SLC30A8: variants seen among roughly 807,000 people sequenced by gnomAD.
SLC30A8 encodes the protein solute carrier family 30 member 8, also known as proton-coupled zinc antiporter SLC30A8.
In SLC30A8, 27 loss-of-function variants were observed where a neutral mutation model predicts 36.9. The observed-to-expected ratio is 0.73, with a 90% CI of 0.54 to 1.01. The LOEUF is 1.01. Among genes scored for constraint, SLC30A8 ranks in the 50% least tolerant of loss-of-function variants. The pLI, the probability that SLC30A8 is intolerant of heterozygous loss-of-function variation, is 0.00. For synonymous variants in SLC30A8, 164 were observed against 172.4 expected (o/e 0.95, Z 0.38); for missense variants, 439 against 452.0 (o/e 0.97, Z 0.26).
intron 2 of SLC30A8, among the ~76,000 whole-genome samples, chr8:117,082,175 G>A (rs534768705): frequency 6.6e-5 from 10 of 152,294 alleles, no homozygotes; most frequent in Admixed American, 2.6e-4. Context: ...ATTAAAGTAG[G>A]TGAATAGCTA....
chr8:116,963,685 T>A (rs922383672), intron 1 of SLC30A8, among the ~76,000 whole-genome samples: 3 of 152,254 alleles, frequency 2.0e-5, no homozygotes, highest in Non-Finnish European at 2.9e-5. Context: ...TTGTTTCTAC[T>A]TTTTGGCTAT....
At position 117,097,932 on chromosome 8, in the gene SLC30A8, T is replaced by TTAAATAAATTTAAATAA. The variant is rs1491222705; in HGVS notation, c.-225-37348_-225-37347insTAAATAAATTTAAATAA. 1.5e-3 allele frequency among the ~76,000 whole-genome samples: 156 copies of TTAAATAAATTTAAATAA among 106,256 alleles called. 1 individual carries two copies. Among genetic ancestry groups the TTAAATAAATTTAAATAA allele is most frequent in the African/African-American group, 2.9e-3 (71 of 24,374 alleles). 69.7% of individuals were successfully genotyped at this position (106,256 alleles called of 152,430 possible). On this transcript the variant is annotated intron_variant, in intron 2 of 10. Coordinates refer to the SLC30A8 transcript ENST00000427715. ...TATAATTTTAAATAAATATATATATTATATATAATATATAATTTTAAATAA... is the reference window on the plus strand; with the variant it reads ...TATAATTTTAAATAAATATATATATTTAAATAAATTTAAATAAATATATAATATATAATTTTAAATAA...
intron 2 of SLC30A8, among the ~76,000 whole-genome samples, chr8:117,110,239 T>C (rs576579709): frequency 6.6e-6 from 1 of 151,776 alleles, no homozygotes; most frequent in East Asian, 1.9e-4. Flanking sequence ...CTGAATTTTA[T>C]AGAGACTCAG....
chr8:116,960,029 C>A (rs1814364290), intron 1 of SLC30A8, among the ~76,000 whole-genome samples: 1 of 152,220 alleles, frequency 6.6e-6, no homozygotes, highest in South Asian at 2.1e-4. Flanking sequence ...ATTGAAGCCT[C>A]GAACTTCTTA....
At chr8:117,011,426 T>C (rs1816341809) in intron 1 of SLC30A8, among the ~76,000 whole-genome samples, 1 of 152,238 alleles carries the variant, frequency 6.6e-6, no homozygotes, top group African/African-American at 2.4e-5. Flanking sequence ...ATAGCTCGTT[T>C]GTGAAACTCG....
At chr8:117,053,322 T>A (rs555349235) in intron 2 of SLC30A8, among the ~76,000 whole-genome samples, 1 of 152,320 alleles carries the variant, frequency 6.6e-6, no homozygotes, top group Non-Finnish European at 1.5e-5. Context: ...TTTCCTATCG[T>A]CTGGTTTCCA....
chr8:117,143,859 C>T (rs1227637331), intron 1 of SLC30A8, among the ~76,000 whole-genome samples: 4 of 152,028 alleles, frequency 2.6e-5, no homozygotes, highest in Non-Finnish European at 5.9e-5. Context: ...TAAAAATTGC[C>T]CACATTTTCA....
chr8:117,168,977 A>G (rs1345118195), intron 6 of SLC30A8, among the ~76,000 whole-genome samples: 4 of 152,196 alleles, frequency 2.6e-5, no homozygotes, highest in Non-Finnish European at 5.9e-5. Flanking sequence ...GGACTATTAA[A>G]TGAGATAATT....
At chr8:116,977,731 C>T (rs1439736967) in intron 1 of SLC30A8, among the ~76,000 whole-genome samples, 2 of 151,824 alleles carry the variant, frequency 1.3e-5, no homozygotes, top group East Asian at 1.9e-4. Context: ...AAGATGGTCT[C>T]AATCTCTTGA....
intron 1 of SLC30A8, among the ~76,000 whole-genome samples, chr8:116,985,429 G>T (rs1815411785): frequency 6.6e-6 from 1 of 151,730 alleles, no homozygotes; most frequent in Non-Finnish European, 1.5e-5. Flanking sequence ...TTTAACAGCT[G>T]CAAGGATAAT....
At position 117,157,833 on chromosome 8, in the gene SLC30A8, G is replaced by A. The variant is rs755241418; in HGVS notation, c.561G>A (p.Ala187=). 6.6e-5 allele frequency: 107 copies of A among 1,613,818 alleles called. 1 individual carries two copies. In the South Asian group the frequency reaches 7.8e-4, roughly 12 times the overall value. ...TCATCGTTTCCAGCTGCGCAGTGGC[G>A]GCCAACATTGTGTAAGTCATCCCCT... The part of the protein sequence containing the change: ...VMIIVSSCAV[A]ANIVLTVVLH... The change falls in exon 4 of 8, where the codon GCG becomes GCA. Residue 187 remains alanine (A), a synonymous_variant. Transcript: ENST00000456015.
At chr8:116,961,256 C>T (rs975624462) in intron 1 of SLC30A8, among the ~76,000 whole-genome samples, 20 of 151,980 alleles carry the variant, frequency 1.3e-4, no homozygotes, top group Admixed American at 1.0e-3. Flanking sequence ...GGTGAAACCC[C>T]GTCTCTACTA....
At chr8:117,141,568 T>C (rs1307691307) in intron 1 of SLC30A8, among the ~76,000 whole-genome samples, 1 of 151,968 alleles carries the variant, frequency 6.6e-6, no homozygotes, top group African/African-American at 2.4e-5. Context: ...TTTCAATAGG[T>C]TTTTTGGGAA....
chr8:117,027,654 G>C (rs1207641439), intron 1 of SLC30A8, among the ~76,000 whole-genome samples: 1 of 152,150 alleles, frequency 6.6e-6, no homozygotes, highest in Non-Finnish European at 1.5e-5. Context: ...GCAGGACCCT[G>C]AGTTGGATGC....
chr8:117,167,940 C>A (rs941487832), intron 6 of SLC30A8, among the ~76,000 whole-genome samples: 2 of 152,086 alleles, frequency 1.3e-5, no homozygotes, highest in African/African-American at 2.4e-5. Flanking sequence ...GGAGGCCTCA[C>A]AATCATGGCA....
At chr8:117,100,090 C>A (rs1460478879) in intron 2 of SLC30A8, among the ~76,000 whole-genome samples, 3 of 152,136 alleles carry the variant, frequency 2.0e-5, no homozygotes, top group Admixed American at 2.0e-4. Context: ...CCCATATTGA[C>A]AACCATTTTG....
At chr8:116,967,222 A>G (rs1200558811) in intron 1 of SLC30A8, among the ~76,000 whole-genome samples, 1 of 152,234 alleles carries the variant, frequency 6.6e-6, no homozygotes, top group African/African-American at 2.4e-5. Flanking sequence ...CCTAAATTTA[A>G]AAACACAAAC....
intron 1 of SLC30A8, among the ~76,000 whole-genome samples, chr8:116,952,842 A>G (rs191499459): frequency 7.3e-4 from 89 of 121,386 alleles, no homozygotes; most frequent in Admixed American, 7.3e-3. Context: ...TATTATGACA[A>G]AGAAGAATTT....
chr8:117,080,881 T>C (rs1317774214), intron 2 of SLC30A8, among the ~76,000 whole-genome samples: 4 of 152,196 alleles, frequency 2.6e-5, no homozygotes, highest in Non-Finnish European at 5.9e-5. Context: ...CAAATGGTAG[T>C]TCAATACTTA....
Sources: allele counts gnomAD v4.1 joint callset (sites outside exome capture counted in the v4.1 genomes callset), GRCh38; gene constraint gnomAD v4.1.1; transcripts MANE v1.5; gene names NCBI Gene and HGNC (gene_info 2026-07-23, HGNC 2026-07-21).